PPP2R5E: variants seen among roughly 807,000 people sequenced by gnomAD.
The protein encoded by PPP2R5E is serine/threonine-protein phosphatase 2A 56 kDa regulatory subunit epsilon isoform.
A neutral mutation model predicts 65.3 loss-of-function variants in PPP2R5E; 4 were observed. The observed-to-expected ratio is 0.06, with a 90% CI of 0.03 to 0.14. The LOEUF (loss-of-function observed/expected upper bound fraction) is 0.14, where lower values mean the gene tolerates loss of function less well. PPP2R5E is among the 10% of genes least tolerant of loss of function. The pLI is 1.00. For synonymous variants in PPP2R5E, 183 were observed against 187.4 expected, an observed-to-expected ratio of 0.98 and a Z score of 0.19; for missense variants, 274 against 556.1, an observed-to-expected ratio of 0.49 and a Z score of 5.10.
chr14:63,437,992 A>G (rs1888027803), intron 3 of PPP2R5E, among the ~76,000 whole-genome samples: 1 of 152,066 alleles, frequency 6.6e-6, no homozygotes, highest in Non-Finnish European at 1.5e-5. Flanking sequence ...TTTCTACTCT[A>G]TAGTCTAGTG....
chr14:63,393,725 CA>C, intron 8 of PPP2R5E, 94 bp downstream of exon 8: 7 of 872,548 alleles, frequency 8.0e-6, no homozygotes, highest in South Asian at 1.7e-5. Flanking sequence ...AAACAAAAAC[CA>C]AAAAAACAAA....
At chr14:63,462,156 C>T (rs1345386197) in intron 2 of PPP2R5E, among the ~76,000 whole-genome samples, 3 of 151,766 alleles carry the variant, frequency 2.0e-5, no homozygotes, top group Non-Finnish European at 1.5e-5. Context: ...CTGCAAGCTC[C>T]GCCTCCTGGG....
chr14:63,533,029 C>T lies in PPP2R5E; in HGVS notation c.157+6500G>A, dbSNP rs537610613. Among the ~76,000 whole-genome samples the T allele has an allele frequency of 2.0e-5, 3 of 152,028 alleles. No homozygotes were observed. In the East Asian group the frequency reaches 5.8e-4, roughly 29 times the overall value. ...TATTGTATTTTTTTTTAGAGACAGG[C>T]CTGCTATGTTGCACAGGCTGGCCTT... On this transcript the variant is annotated intron_variant, in intron 2 of 13. Transcript: ENST00000337537.
intron 11 of PPP2R5E, among the ~76,000 whole-genome samples, chr14:63,384,819 C>T (rs1884570059): frequency 1.3e-5 from 2 of 152,026 alleles, no homozygotes; most frequent in Admixed American, 1.3e-4. Flanking sequence ...CCTCAGCCTC[C>T]CGAGTAACTG....
rs1019924073 is a variant in PPP2R5E, at chr14:63,501,468, T to C, written c.157+38061A>G. Among the ~76,000 whole-genome samples the C allele has an allele frequency of 2.0e-5, 3 of 151,872 alleles. No homozygotes were observed. In the South Asian group the frequency reaches 6.2e-4, roughly 32 times the overall value. ...GATGGTGGAAATTTTACATCAAATG[T>C]CCAGAATAGGCAAATCCAGAGATAC... is the stretch of plus-strand genomic sequence containing the variant. On this transcript the variant is annotated intron_variant, in intron 2 of 13. Transcript: ENST00000337537.
rs532408683 is a variant in PPP2R5E, at chr14:63,493,715, A to G, written c.158-39830T>C. Among the ~76,000 whole-genome samples, 11 of 152,250 alleles carry G rather than the reference A, an allele frequency of 7.2e-5. No individual in the cohort carries two copies. The South Asian group carries it at 2.3e-3, about 32-fold the overall frequency. On this transcript the variant is annotated intron_variant, in intron 2 of 13. Transcript: ENST00000337537. ...ATATTACTAAACATGAAGGATAACA[A>G]TATAATGAAGTACTCTAGGAATATT...
At chr14:63,396,965 C>CA (rs1235125924) in intron 5 of PPP2R5E, among the ~76,000 whole-genome samples, 1 of 152,106 alleles carries the variant, frequency 6.6e-6, no homozygotes, top group Non-Finnish European at 1.5e-5. Flanking sequence ...AGCTAATACA[C>CA]ATATGGCACT....
At chr14:63,392,324 C>T (rs1056856734) in intron 8 of PPP2R5E, among the ~76,000 whole-genome samples, 1 of 152,204 alleles carries the variant, frequency 6.6e-6, no homozygotes, top group Non-Finnish European at 1.5e-5. Context: ...GTGGAATTAT[C>T]TCACCTACAT....
In PPP2R5E at chr14:63,372,869, G is replaced by A. The variant is rs1237496545; in HGVS notation, c.*3140C>T. The stretch of plus-strand genomic sequence containing the variant: ...TTAGGCAAACAAGCCCAAGATGAAG[G>A]AGCATAACCCTGCTTGTGAGTATCC... On this transcript the variant is annotated 3_prime_UTR_variant, in exon 14 of 14. Transcript: ENST00000337537. The A allele has an allele frequency of 2.0e-5, 3 of 152,130 alleles. No individual in the cohort carries two copies. The highest frequency in any genetic ancestry group is 2.1e-4 in the South Asian group (1 of 4,830). The allele number at this position is 152,130 out of a possible 1,614,324, so 9.4% of individuals were successfully genotyped here.
At chr14:63,524,967 A>T (rs1187257140) in intron 2 of PPP2R5E, among the ~76,000 whole-genome samples, 1 of 152,226 alleles carries the variant, frequency 6.6e-6, no homozygotes, top group Admixed American at 6.5e-5. Flanking sequence ...ACCTGCACAC[A>T]TTTATGACTA....
chr14:63,523,578 CCG>C (rs200072580), intron 2 of PPP2R5E, among the ~76,000 whole-genome samples: 16,044 of 151,502 alleles, frequency 0.11, 837 homozygotes, highest in East Asian at 0.15. Flanking sequence ...CTGCGGAAGG[CCG>C]CAGGGTCCTC....
intron 2 of PPP2R5E, among the ~76,000 whole-genome samples, chr14:63,474,812 T>C (rs542152844): frequency 6.7e-6 from 1 of 148,516 alleles, no homozygotes; most frequent in South Asian, 2.1e-4. Flanking sequence ...TTAAAGCCAA[T>C]AGGCCGGATG....
chr14:63,502,933 G>C (rs984287292), intron 2 of PPP2R5E, among the ~76,000 whole-genome samples: 1 of 152,134 alleles, frequency 6.6e-6, no homozygotes, highest in Admixed American at 6.6e-5. Flanking sequence ...TTTGAGACCA[G>C]CCTGGGCAAC....
chr14:63,430,385 A>ACATACATACATACATG (rs1887593269), intron 3 of PPP2R5E, among the ~76,000 whole-genome samples: 2 of 140,812 alleles, frequency 1.4e-5, no homozygotes, highest in East Asian at 2.3e-4. Context: ...ATGCATACAT[A>ACATACATACATACATG]CATACATACA....
chr14:63,478,245 A>G (rs1002361360), intron 2 of PPP2R5E, among the ~76,000 whole-genome samples: 1 of 152,294 alleles, frequency 6.6e-6, no homozygotes, highest in African/African-American at 2.4e-5. Flanking sequence ...GAACGGTGAA[A>G]CTGAAACCCA....
intron 2 of PPP2R5E, among the ~76,000 whole-genome samples, chr14:63,493,434 C>T (rs1007497543): frequency 6.8e-6 from 1 of 147,128 alleles, no homozygotes; most frequent in African/African-American, 2.6e-5. Flanking sequence ...AATCCTCTCT[C>T]AAGTGTCACA....
In PPP2R5E at chr14:63,543,001, CG is replaced by C. The variant is rs1893971555; in HGVS notation, c.-231del. On this transcript the variant is annotated 5_prime_UTR_variant, in exon 1 of 14. Transcript: ENST00000337537. The stretch of plus-strand genomic sequence containing the variant: ...CGGCCGGACCCGAACCTCAGCGTTC[CG>C]GTGGCGGCGGCGGCCTCACGATCCT... 6.5e-6 allele frequency: 1 copy of C among 152,928 alleles called. No individual in the cohort carries two copies. The highest frequency in any genetic ancestry group is 2.4e-5 in the African/African-American group (1 of 41,452). The allele number at this position is 152,928 out of a possible 1,614,324, so 9.5% of individuals were successfully genotyped here.
At chr14:63,427,406 A>T (rs1887398409) in intron 3 of PPP2R5E, among the ~76,000 whole-genome samples, 1 of 152,154 alleles carries the variant, frequency 6.6e-6, no homozygotes, top group African/African-American at 2.4e-5. Context: ...TGCAAAGTAA[A>T]AAAAAAAAGT....
rs147457026 is a variant in PPP2R5E, at chr14:63,431,175, G to T, written c.355-9081C>A. ...CCCAGCTACTCGGGAGACTGAGGCAGGAGAATTGCTTGAACCCAGGAGGCA... is the reference window on the plus strand; with the variant it reads ...CCCAGCTACTCGGGAGACTGAGGCATGAGAATTGCTTGAACCCAGGAGGCA... On this transcript the variant is annotated intron_variant, in intron 3 of 13. Transcript: ENST00000337537. 3.8e-3 allele frequency among the ~76,000 whole-genome samples: 573 copies of T among 152,146 alleles called. 3 individuals are homozygous for T. The highest frequency in any genetic ancestry group is 0.013 in the African/African-American group (522 of 41,504).
Sources: allele counts gnomAD v4.1 joint callset (sites outside exome capture counted in the v4.1 genomes callset), GRCh38; gene constraint gnomAD v4.1.1; transcripts MANE v1.5; gene names NCBI Gene and HGNC (gene_info 2026-07-23, HGNC 2026-07-21).